The following AGBL4 variants were observed in gnomAD, a reference collection of about 807,000 sequenced individuals.
AGBL4 encodes cytosolic carboxypeptidase 6.
A neutral mutation model predicts 66.4 loss-of-function variants in AGBL4; 58 were observed. The observed-to-expected ratio is 0.87, with a 90% CI of 0.71 to 1.09. AGBL4 has a LOEUF of 1.09. AGBL4 is among the 50% of genes least tolerant of loss of function. The probability of loss-of-function intolerance (pLI) is 0.00; values close to 1 mark genes in which losing one functional copy is unlikely to be tolerated. For synonymous variants in AGBL4, 234 were observed against 222.9 expected, an observed-to-expected ratio of 1.05 and a Z score of -0.44; for missense variants, 579 against 631.0, an observed-to-expected ratio of 0.92 and a Z score of 0.88.
At chr1:49,332,391 T>C (rs149980661) in intron 3 of AGBL4, among the ~76,000 whole-genome samples, 2 of 152,328 alleles carry the variant, frequency 1.3e-5, no homozygotes, top group East Asian at 1.9e-4. Flanking sequence ...GATTATTTCA[T>C]AGGTGAGTTA....
intron 4 of AGBL4, among the ~76,000 whole-genome samples, chr1:49,122,941 C>T (rs976931277): frequency 5.3e-5 from 8 of 152,202 alleles, no homozygotes; most frequent in African/African-American, 1.9e-4. Context: ...GCAACCTCCG[C>T]CTCCCAGATT....
At chr1:49,862,430 C>G (rs559538052) in intron 1 of AGBL4, among the ~76,000 whole-genome samples, 89 of 150,442 alleles carry the variant, frequency 5.9e-4, no homozygotes, top group South Asian at 5.5e-3. Flanking sequence ...GAGATAATGG[C>G]CTTAAAGAGG....
rs541692826 is a variant in AGBL4, at chr1:49,415,569, C to T, written c.283-169705G>A. 1.5e-4 allele frequency among the ~76,000 whole-genome samples: 23 copies of T among 152,070 alleles called. No homozygotes were observed. The South Asian group carries it at 3.3e-3, about 22-fold the overall frequency. On this transcript the variant is annotated intron_variant, in intron 3 of 13. Transcript: ENST00000371839. ...TGTAGGGAGGATGAGGGAAGTTCAA[C>T]AGAAATAAAACTAGAAAGGTAGGTT...
chr1:48,828,125 G>A (rs1324793893), intron 6 of AGBL4, among the ~76,000 whole-genome samples: 1 of 151,336 alleles, frequency 6.6e-6, no homozygotes, highest in African/African-American at 2.4e-5. Context: ...GAACCCAGCA[G>A]GTGGAGGTTG....
At chr1:49,652,325 C>G (rs181855462) in intron 3 of AGBL4, among the ~76,000 whole-genome samples, 1 of 152,102 alleles carries the variant, frequency 6.6e-6, no homozygotes, top group Non-Finnish European at 1.5e-5. Flanking sequence ...TAGAGGTAGA[C>G]ATCCAAATAC....
In AGBL4 at chr1:49,180,313, C is replaced by T. The variant is rs188998081; in HGVS notation, c.377+65457G>A. On this transcript the variant is annotated intron_variant, in intron 4 of 13. Transcript: ENST00000371839. The stretch of plus-strand genomic sequence containing the variant: ...ATAACACATATAAAGTACTTATCAA[C>T]GACTAGCACAATTTCTTAATACTAA... 3.6e-3 allele frequency among the ~76,000 whole-genome samples: 551 copies of T among 152,274 alleles called. 8 individuals carry two copies. Among genetic ancestry groups the T allele is most frequent in the Non-Finnish European group, 9.6e-4 (65 of 68,016 alleles).
chr1:49,672,279 A>T (rs1646492007), intron 3 of AGBL4, among the ~76,000 whole-genome samples: 1 of 152,030 alleles, frequency 6.6e-6, no homozygotes, highest in African/African-American at 2.4e-5. Context: ...GTGAGAGCTA[A>T]ATGATAAGAA....
At chr1:50,011,789 A>G (rs920242808) in intron 1 of AGBL4, among the ~76,000 whole-genome samples, 3 of 152,238 alleles carry the variant, frequency 2.0e-5, no homozygotes, top group African/African-American at 4.8e-5. Context: ...ACAGAAAGAC[A>G]TATGTCATCA....
intron 4 of AGBL4, among the ~76,000 whole-genome samples, chr1:49,149,026 C>A (rs943079287): frequency 6.6e-6 from 1 of 152,148 alleles, no homozygotes; most frequent in East Asian, 1.9e-4. Flanking sequence ...GATAGTCCAC[C>A]ACTGACCTCT....
chr1:49,225,322 T>C (rs1649829873), intron 4 of AGBL4, among the ~76,000 whole-genome samples: 1 of 152,192 alleles, frequency 6.6e-6, no homozygotes, highest in African/African-American at 2.4e-5. Context: ...AGTGAAGAAA[T>C]AGAAATGATC....
At chr1:49,786,729 T>C (rs1170702176) in intron 2 of AGBL4, among the ~76,000 whole-genome samples, 1 of 152,188 alleles carries the variant, frequency 6.6e-6, no homozygotes. Context: ...GGATCCTTTA[T>C]ATTTAACAGT....
chr1:49,303,859 C>T (rs747196503), intron 3 of AGBL4, among the ~76,000 whole-genome samples: 1 of 152,014 alleles, frequency 6.6e-6, no homozygotes, highest in Non-Finnish European at 1.5e-5. Flanking sequence ...AATTTAAGTT[C>T]CTTCTAGATT....
intron 3 of AGBL4, among the ~76,000 whole-genome samples, chr1:49,562,162 T>C (rs1271755824): frequency 6.6e-6 from 1 of 152,184 alleles, no homozygotes; most frequent in African/African-American, 2.4e-5. Flanking sequence ...GTTGTTTGTT[T>C]TTTTCTTGTA....
At chr1:49,657,354 G>A (rs371011133) in intron 3 of AGBL4, among the ~76,000 whole-genome samples, 1 of 152,106 alleles carries the variant, frequency 6.6e-6, no homozygotes, top group Non-Finnish European at 1.5e-5. Flanking sequence ...AAGGAAATAA[G>A]AGAGGACACA....
chr1:48,961,080 GGTGT>G lies in AGBL4; in HGVS notation c.594+84500_594+84503del, dbSNP rs140660896. Among the ~76,000 whole-genome samples, 191 of 148,690 alleles carry G rather than the reference GGTGT, an allele frequency of 1.3e-3. 2 individuals are homozygous for G. The highest frequency in any genetic ancestry group is 4.0e-3 in the East Asian group (20 of 5,014). ...TGCCCTTGGGCAGATCCCAGTCTGG[GGTGT>G]GTGTGTGTGTGTGTGTGTGTGTGCG... is the stretch of plus-strand genomic sequence containing the variant. On this transcript the variant is annotated intron_variant, in intron 5 of 13. Transcript: ENST00000371839.
chr1:49,875,290 A>G (rs1383768740), intron 1 of AGBL4, among the ~76,000 whole-genome samples: 1 of 125,452 alleles, frequency 8.0e-6, no homozygotes, highest in African/African-American at 3.0e-5. Flanking sequence ...ATATCTCCCA[A>G]TGCTATCCCT....
At chr1:48,722,296 T>C (rs997453424) in intron 6 of AGBL4, among the ~76,000 whole-genome samples, 5 of 152,142 alleles carry the variant, frequency 3.3e-5, no homozygotes, top group Non-Finnish European at 4.4e-5. Context: ...TTAAGAAATA[T>C]ACTTGAAAAT....
intron 2 of AGBL4, among the ~76,000 whole-genome samples, chr1:49,770,255 T>C (rs572108441): frequency 1.3e-5 from 2 of 152,354 alleles, no homozygotes; most frequent in East Asian, 1.9e-4. Flanking sequence ...TTTTCTCAAA[T>C]GCTTTTTCTG....
At chr1:49,324,311 C>A (rs533092239) in intron 3 of AGBL4, among the ~76,000 whole-genome samples, 2 of 152,342 alleles carry the variant, frequency 1.3e-5, no homozygotes, top group South Asian at 4.1e-4. Context: ...CCCATGCTCA[C>A]TGCATTGGGT....
Sources: gnomAD v4.1 joint callset for allele counts (sites outside exome capture counted in the v4.1 genomes callset) on GRCh38, gnomAD v4.1.1 for gene constraint, MANE v1.5 for transcripts, NCBI Gene and HGNC (gene_info 2026-07-23, HGNC 2026-07-21) for gene names.